Variants in PHF14 observed in about 807,000 individuals in gnomAD.
PHF14 encodes PHD finger protein 14.
PHF14 carries 55 observed loss-of-function variants against 117.9 expected under a neutral mutation model. The observed-to-expected ratio is 0.47, with a 90% CI of 0.38 to 0.58. The LOEUF is 0.58. Among genes scored for constraint, PHF14 ranks in the 20% least tolerant of loss-of-function variants. PHF14 has a pLI of 0.00. For synonymous variants in PHF14, 409 were observed against 368.6 expected (o/e 1.11, Z -1.26); for missense variants, 978 against 1,122.2 (o/e 0.87, Z 1.84).
intron 16 of PHF14, among the ~76,000 whole-genome samples, chr7:11,077,620 A>AAG: frequency 6.6e-6 from 1 of 151,494 alleles, no homozygotes; most frequent in Admixed American, 6.6e-5. Context: ...AAAAAAAAAA[A>AAG]AGACAGATTC....
rs1583460980 is a variant in PHF14 at position 11,095,152 on chromosome 7, G to T, written c.2655-16198G>T. Among the ~76,000 whole-genome samples, 3 of 152,280 alleles carry T rather than the reference G, an allele frequency of 2.0e-5. 1 individual carries two copies. The South Asian group carries it at 6.2e-4, about 32-fold the overall frequency. On this transcript the variant is annotated intron_variant, in intron 16 of 17. Transcript: ENST00000634607. ...TAAGAGTGGTTGAGTTGAACTCATA[G>T]TGAAGGTAAGTAAGCACTTACCACA...
chr7:11,001,111 G>T (rs1271801637), intron 4 of PHF14, among the ~76,000 whole-genome samples: 1 of 152,020 alleles, frequency 6.6e-6, no homozygotes, highest in Non-Finnish European at 1.5e-5. Flanking sequence ...TATTTTGCAT[G>T]TGTGTGTTCA....
In PHF14 at chr7:10,974,083, C is replaced by A. The variant is rs1781775350; in HGVS notation, c.-241C>A. ...CGCTGCCTGGGCCGGAGGTCTTCTC[C>A]GGCCAGGGAGCGCTGTGGGAAGGGG... On this transcript the variant is annotated 5_prime_UTR_variant, in exon 1 of 18. Transcript: ENST00000634607. 6 of 489,502 alleles carry A rather than the reference C, an allele frequency of 1.2e-5. No homozygotes were observed. The Admixed American group carries it at 1.3e-4, about 11-fold the overall frequency. The allele number at this position is 489,502 out of a possible 1,614,324, so 30.3% of individuals were successfully genotyped here.
intron 16 of PHF14, chr7:11,102,624 C>A: frequency 6.5e-7 from 1 of 1,540,660 alleles, no homozygotes; most frequent in Non-Finnish European, 8.7e-7. Flanking sequence ...GCTATATTGT[C>A]CTTTCTATAA....
At chr7:11,127,392 C>T (rs964745661) in intron 17 of PHF14, among the ~76,000 whole-genome samples, 1 of 152,066 alleles carries the variant, frequency 6.6e-6, no homozygotes, top group Non-Finnish European at 1.5e-5. Context: ...ATCCCACCAA[C>T]GCTGTCCTCT....
chr7:11,107,264 T>G, intron 16 of PHF14: 1 of 979,152 alleles, frequency 1.0e-6, no homozygotes, highest in Non-Finnish European at 1.2e-6. Flanking sequence ...ATAGCACATA[T>G]GAAGGTAAAT....
At chr7:11,087,086 C>A (rs1028592013) in intron 16 of PHF14, among the ~76,000 whole-genome samples, 1 of 152,044 alleles carries the variant, frequency 6.6e-6, no homozygotes, top group South Asian at 2.1e-4. Flanking sequence ...TTTGTAAAGT[C>A]CCTGGGTTCC....
intron 6 of PHF14, among the ~76,000 whole-genome samples, chr7:11,024,159 C>T (rs1783830662): frequency 6.6e-6 from 1 of 152,134 alleles, no homozygotes; most frequent in Non-Finnish European, 1.5e-5. Context: ...CACAACATTC[C>T]CTTAAGCCAA....
chr7:11,169,501 G>T lies in PHF14; in HGVS notation c.*11G>T, dbSNP rs767149253. ...AATCCAAAGAAATAAAAGATTTTCTGTAGTGTTTTTGAAAAGTTTGCAGCT... is the reference window on the plus strand; with the variant it reads ...AATCCAAAGAAATAAAAGATTTTCTTTAGTGTTTTTGAAAAGTTTGCAGCT... On this transcript the variant is annotated 3_prime_UTR_variant, in exon 18 of 18. Coordinates refer to ENST00000634607, the MANE Select transcript of PHF14 (RefSeq NM_001007157.2). 8 of 1,375,088 alleles carry T rather than the reference G, an allele frequency of 5.8e-6. No homozygotes were observed. In the East Asian group the frequency reaches 2.0e-4, roughly 34 times the overall value. The allele number at this position is 1,375,088 out of a possible 1,614,324, so 85.2% of individuals were successfully genotyped here.
chr7:11,081,467 A>C (rs1583446940), intron 16 of PHF14, among the ~76,000 whole-genome samples: 1 of 152,170 alleles, frequency 6.6e-6, no homozygotes, highest in East Asian at 1.9e-4. Context: ...ATATACCGTA[A>C]ATTTTCATCC....
intron 16 of PHF14, among the ~76,000 whole-genome samples, chr7:11,083,126 C>T (rs1285958029): frequency 2.6e-5 from 4 of 152,158 alleles, no homozygotes; most frequent in Non-Finnish European, 5.9e-5. Flanking sequence ...TGCAGTCCAA[C>T]CCCAGCCAAT....
chr7:11,074,378 T>C lies in PHF14; in HGVS notation c.2654+12293T>C, dbSNP rs184364579. ...GGCGCCTGCCACCACGCCCAGCTAA[T>C]TTTTTGTATTTTTAGTAGAGGCAGG... On this transcript the variant is annotated intron_variant, in intron 16 of 17. Transcript: ENST00000634607. 6.0e-3 allele frequency among the ~76,000 whole-genome samples: 919 copies of C among 151,940 alleles called. 6 individuals carry two copies. Among genetic ancestry groups the C allele is most frequent in the Non-Finnish European group, 8.1e-3 (552 of 67,914 alleles).
chr7:11,131,663 T>C (rs1788094840), intron 17 of PHF14, among the ~76,000 whole-genome samples: 1 of 151,972 alleles, frequency 6.6e-6, no homozygotes, highest in African/African-American at 2.4e-5. Context: ...TTTTTTTCTC[T>C]TATGGATTAT....
At chr7:11,054,624 G>A (rs1019686700) in intron 14 of PHF14, among the ~76,000 whole-genome samples, 2 of 152,006 alleles carry the variant, frequency 1.3e-5, no homozygotes, top group Non-Finnish European at 2.9e-5. Flanking sequence ...TGAAAAATGA[G>A]GTGTTCTAAT....
intron 17 of PHF14, among the ~76,000 whole-genome samples, chr7:11,144,060 G>T (rs1788475441): frequency 1.3e-5 from 2 of 151,950 alleles, no homozygotes; most frequent in Non-Finnish European, 2.9e-5. Flanking sequence ...TTTTAAAAAG[G>T]ATCTGAGTAG....
intron 14 of PHF14, among the ~76,000 whole-genome samples, chr7:11,055,735 A>G (rs1044280657): frequency 6.6e-6 from 1 of 152,090 alleles, no homozygotes; most frequent in Admixed American, 6.6e-5. Flanking sequence ...CTTTTATTAC[A>G]TTTATGTTTT....
chr7:11,068,248 G>A (rs1785489304), intron 16 of PHF14, among the ~76,000 whole-genome samples: 1 of 151,266 alleles, frequency 6.6e-6, no homozygotes, highest in African/African-American at 2.4e-5. Flanking sequence ...CTACTTGGGA[G>A]GCTGAGGCAG....
chr7:11,111,427 A>G lies in PHF14; in HGVS notation c.2732A>G (p.Tyr911Cys). Residue 911 changes from tyrosine (Y) to cysteine (C), a missense_variant, in exon 17 of 18, where the codon TAC (tyrosine) becomes TGC (cysteine). Tyr to Cys is a radical substitution (Grantham distance 194). Around this residue, in one of 7 missense-constraint regions of PHF14, gnomAD observed 180 missense variants for 195.4 expected, o/e 0.92. Transcript: ENST00000634607. ...AAAAAGTCTCCTAAACAGACAGGCT[A>G]CGGATGGATATGTCAGGAATGTGAT... ...PLKKSPKQTG[Y>C]GWICQECDSS... 2 of 1,604,510 alleles carry G rather than the reference A, an allele frequency of 1.2e-6. No homozygotes were observed. The highest frequency in any genetic ancestry group is 8.5e-7 in the Non-Finnish European group (1 of 1,173,142).
chr7:11,092,282 G>A (rs771621773), intron 16 of PHF14, among the ~76,000 whole-genome samples: 3 of 152,104 alleles, frequency 2.0e-5, no homozygotes, highest in Non-Finnish European at 2.9e-5. Context: ...AAACATTAGG[G>A]TGCATTTGAA....
Sources: allele counts gnomAD v4.1 joint callset (sites outside exome capture counted in the v4.1 genomes callset), GRCh38; gene constraint gnomAD v4.1.1; regional missense constraint gnomAD v4.1.1; transcripts MANE v1.5; gene names NCBI Gene and HGNC (gene_info 2026-07-23, HGNC 2026-07-21).